Variants in VGLL4 observed in about 807,000 individuals in gnomAD.
The protein encoded by VGLL4 is transcription cofactor vestigial-like protein 4.
VGLL4 carries 7 observed loss-of-function variants against 21.0 expected under a neutral mutation model. That is an observed-to-expected ratio of 0.33 (90% CI 0.19 to 0.63). The LOEUF (loss-of-function observed/expected upper bound fraction) is 0.63. VGLL4 is among the 20% of genes least tolerant of loss of function. The pLI is 0.78. For missense variants in VGLL4, 394 were observed against 425.7 expected, an observed-to-expected ratio of 0.93 and a Z score of 0.66; for synonymous variants, 222 against 173.2, an observed-to-expected ratio of 1.28 and a Z score of -2.21.
intron 2 of VGLL4, among the ~76,000 whole-genome samples, chr3:11,664,874 G>A (rs886701859): frequency 3.3e-5 from 5 of 151,668 alleles, no homozygotes; most frequent in African/African-American, 4.8e-5. Context: ...AGCACGCCAT[G>A]ATCTTCAGCC....
intron 1 of VGLL4, among the ~76,000 whole-genome samples, chr3:11,707,317 GA>G (rs34117129): frequency 0.49 from 59,735 of 122,902 alleles, 14,439 homozygotes; most frequent in Non-Finnish European, 0.55. Flanking sequence ...AACAGAGCCA[GA>G]CCCTGCCTCA....
At chr3:11,655,364 G>C (rs76742885) in intron 2 of VGLL4, among the ~76,000 whole-genome samples, 2 of 152,290 alleles carry the variant, frequency 1.3e-5, no homozygotes, top group East Asian at 3.9e-4. Context: ...ACATCCCAAT[G>C]AGTTAGTTGC....
intron 2 of VGLL4, among the ~76,000 whole-genome samples, chr3:11,681,225 G>C (rs1186451110): frequency 2.0e-5 from 3 of 152,102 alleles, no homozygotes; most frequent in African/African-American, 7.2e-5. Flanking sequence ...AGCCTCCCGA[G>C]TAGCTGGGAC....
chr3:11,703,853 T>C (rs969068365), intron 1 of VGLL4, among the ~76,000 whole-genome samples: 2 of 152,252 alleles, frequency 1.3e-5, no homozygotes, highest in African/African-American at 4.8e-5. Flanking sequence ...TTATTCAGCA[T>C]TCTTCAACAC....
upstream of VGLL4, among the ~76,000 whole-genome samples, chr3:11,644,399 A>G (rs1459849059): frequency 6.6e-6 from 1 of 152,186 alleles, no homozygotes; most frequent in Non-Finnish European, 1.5e-5. Context: ...AGCTTCTTCC[A>G]TAATCCCCAT....
rs539490166 is a variant in VGLL4, at chr3:11,565,804, G to A, written c.273-785C>T. Among the ~76,000 whole-genome samples the A allele has an allele frequency of 7.2e-5, 11 of 152,282 alleles. No homozygotes were observed. In the East Asian group the frequency reaches 1.5e-3, roughly 21 times the overall value. ...TCTGATGTGTTAGTCTGAAGGCAGCGTTACGTGTTGCATCTATTAGACACC... is the reference window on the plus strand; with the variant it reads ...TCTGATGTGTTAGTCTGAAGGCAGCATTACGTGTTGCATCTATTAGACACC... On this transcript the variant is annotated intron_variant, in intron 2 of 4. Coordinates refer to ENST00000430365, the MANE Select transcript of VGLL4 (RefSeq NM_001128219.3). This position sits in a 1 kb window ranked among gnomAD's most constrained non-coding sequence, Gnocchi z 4.1.
At chr3:11,628,285 G>A (rs1167262668) in intron 1 of VGLL4, among the ~76,000 whole-genome samples, 1 of 152,064 alleles carries the variant, frequency 6.6e-6, no homozygotes, top group East Asian at 1.9e-4. Flanking sequence ...CTACTTGGGA[G>A]GCTGAAGCAG....
chr3:11,718,831 G>C (rs2076952911), intron 1 of VGLL4, among the ~76,000 whole-genome samples: 1 of 151,990 alleles, frequency 6.6e-6, no homozygotes, highest in Non-Finnish European at 1.5e-5. Context: ...TCACAGAGAA[G>C]GGACTACAAC....
intron 2 of VGLL4, among the ~76,000 whole-genome samples, chr3:11,599,136 C>G (rs539512443): frequency 3.0e-4 from 45 of 152,254 alleles, no homozygotes; most frequent in African/African-American, 1.0e-3. Flanking sequence ...TGTCATTAGG[C>G]TCTTAGAAAA....
At chr3:11,583,278 A>C (rs921086713) in intron 2 of VGLL4, among the ~76,000 whole-genome samples, 3 of 151,762 alleles carry the variant, frequency 2.0e-5, no homozygotes, top group East Asian at 1.9e-4. Flanking sequence ...CTAATTATAA[A>C]AGACAAGATA....
intron 2 of VGLL4, among the ~76,000 whole-genome samples, chr3:11,699,029 G>A (rs2076643555): frequency 1.3e-5 from 2 of 152,126 alleles, no homozygotes; most frequent in African/African-American, 4.8e-5. Context: ...GTAATAAGAG[G>A]CCCAAATCAG....
chr3:11,567,375 A>G (rs373898590), intron 2 of VGLL4, among the ~76,000 whole-genome samples: 1 of 152,132 alleles, frequency 6.6e-6, no homozygotes, highest in Non-Finnish European at 1.5e-5. Flanking sequence ...GTATTCGTTT[A>G]TGGGGTTTTT....
At chr3:11,591,316 T>C (rs2074490035) in intron 2 of VGLL4, among the ~76,000 whole-genome samples, 1 of 152,240 alleles carries the variant, frequency 6.6e-6, no homozygotes, top group African/African-American at 2.4e-5. Flanking sequence ...GTCCCACTTT[T>C]ATAAACTTCA....
intron 2 of VGLL4, among the ~76,000 whole-genome samples, chr3:11,661,528 T>C (rs902210743): frequency 6.6e-6 from 1 of 151,972 alleles, no homozygotes; most frequent in Non-Finnish European, 1.5e-5. Flanking sequence ...TGGAGTGCAG[T>C]GGCATGATCC....
At chr3:11,670,316 C>T (rs147911125) in intron 2 of VGLL4, among the ~76,000 whole-genome samples, 10 of 152,256 alleles carry the variant, frequency 6.6e-5, no homozygotes, top group South Asian at 4.2e-4. Flanking sequence ...TAATCCCAAA[C>T]GTTATGACCT....
chr3:11,711,700 G>C (rs1158008430), intron 1 of VGLL4, among the ~76,000 whole-genome samples: 23 of 152,164 alleles, frequency 1.5e-4, no homozygotes. Flanking sequence ...CTGGGTGACA[G>C]AGGGAGACCC....
chr3:11,649,330 A>G (rs2075836043), intron 2 of VGLL4, among the ~76,000 whole-genome samples: 1 of 152,026 alleles, frequency 6.6e-6, no homozygotes, highest in Non-Finnish European at 1.5e-5. Flanking sequence ...GAAAACATAC[A>G]TATATATATA....
chr3:11,603,304 C>T (rs1228060452), intron 1 of VGLL4, among the ~76,000 whole-genome samples: 2 of 152,150 alleles, frequency 1.3e-5, no homozygotes, highest in Non-Finnish European at 2.9e-5. Flanking sequence ...GCCAGGATTT[C>T]TTTTAAGGAT....
intron 2 of VGLL4, among the ~76,000 whole-genome samples, chr3:11,664,776 T>C (rs895674158): frequency 2.6e-5 from 4 of 152,222 alleles, no homozygotes; most frequent in East Asian, 1.9e-4. Context: ...ATAAGAGCTA[T>C]AGTAACTATA....
Sources: allele counts gnomAD v4.1 joint callset (sites outside exome capture counted in the v4.1 genomes callset), GRCh38; gene constraint gnomAD v4.1.1; non-coding constraint Gnocchi (gnomAD v3.1); transcripts MANE v1.5; gene names NCBI Gene and HGNC (gene_info 2026-07-23, HGNC 2026-07-21).